MAPK4: variants seen among roughly 807,000 people sequenced by gnomAD.
MAPK4 encodes mitogen-activated protein kinase 4.
In MAPK4, 22 loss-of-function variants were observed where a neutral mutation model predicts 47.7. The ratio of observed to expected loss-of-function variants is 0.46; its 90% CI spans 0.33 to 0.66. MAPK4 has a LOEUF of 0.66. Ranked by LOEUF, MAPK4 falls within the 30% of genes least tolerant of loss-of-function variation. MAPK4 has a pLI of 0.02. For synonymous variants in MAPK4, 390 were observed against 365.7 expected, an observed-to-expected ratio of 1.07 and a Z score of -0.76; for missense variants, 736 against 831.7, an observed-to-expected ratio of 0.88 and a Z score of 1.42.
chr18:50,690,370 A>C lies in MAPK4; in HGVS notation c.547-24709A>C, dbSNP rs74777246. 3.3e-3 allele frequency among the ~76,000 whole-genome samples: 497 copies of C among 152,336 alleles called. 1 individual carries two copies. Among genetic ancestry groups the C allele is most frequent in the African/African-American group, 0.01 (432 of 41,578 alleles). ...GTGAGTTTAAATGCAAACCATACCA[A>C]TTTCTTTCTCAGAAGAGCATCTTAC... On this transcript the variant is annotated intron_variant, in intron 2 of 5. Transcript: ENST00000400384.
chr18:50,725,926 A>G (rs996721494), intron 4 of MAPK4, 36 bp from the exon 5 acceptor site: 1 of 1,554,054 alleles, frequency 6.4e-7, no homozygotes, highest in South Asian at 1.1e-5. Flanking sequence ...AACAAGGGCA[A>G]CAAATGACCT....
At chr18:50,691,927 C>T (rs1389912439) in intron 2 of MAPK4, among the ~76,000 whole-genome samples, 3 of 152,184 alleles carry the variant, frequency 2.0e-5, no homozygotes, top group Non-Finnish European at 4.4e-5. Context: ...CTCAGATCTA[C>T]ACTTTGGTTA....
chr18:50,688,601 C>T (rs999629739), intron 2 of MAPK4, among the ~76,000 whole-genome samples: 18 of 152,168 alleles, frequency 1.2e-4, no homozygotes, highest in African/African-American at 3.9e-4. Context: ...CTGGATGGAA[C>T]TGGAGACTAT....
chr18:50,683,856 G>C (rs1488915518), intron 2 of MAPK4, among the ~76,000 whole-genome samples: 1 of 152,116 alleles, frequency 6.6e-6, no homozygotes, highest in African/African-American at 2.4e-5. Context: ...TGGCGCTGGA[G>C]TCCAGTGATA....
chr18:50,576,763 T>A (rs1304164020), intron 1 of MAPK4, among the ~76,000 whole-genome samples: 1 of 152,242 alleles, frequency 6.6e-6, no homozygotes, highest in Non-Finnish European at 1.5e-5. Context: ...TAGGACAGTA[T>A]TTATTAATGA....
In MAPK4 at chr18:50,663,816, G is replaced by A. The variant is rs1907417722; in HGVS notation, c.-143G>A. The A allele has an allele frequency of 3.0e-6, 2 of 667,540 alleles. No individual in the cohort carries two copies. 41.4% of individuals were successfully genotyped at this position (667,540 alleles called of 1,614,324 possible). ...CATTCTCGTCTCCAGAGAGCTGGTG[G>A]CAGTGACCTCACTAGGAGAAAACAC... is the stretch of plus-strand genomic sequence containing the variant. On this transcript the variant is annotated 5_prime_UTR_variant, in exon 2 of 6. It introduces an in-frame stop codon into an upstream open reading frame of the 5' UTR. Transcript: ENST00000400384.
At chr18:50,581,339 TC>T (rs1472986627) in intron 1 of MAPK4, among the ~76,000 whole-genome samples, 1 of 152,142 alleles carries the variant, frequency 6.6e-6, no homozygotes, top group African/African-American at 2.4e-5. Context: ...GGCTGAAGGA[TC>T]AGCTTCCAAG....
chr18:50,697,528 T>C (rs1909578689), intron 2 of MAPK4, among the ~76,000 whole-genome samples: 1 of 152,246 alleles, frequency 6.6e-6, no homozygotes, highest in Admixed American at 6.5e-5. Context: ...TTATTGGTGA[T>C]GGTGATGATT....
intron 1 of MAPK4, among the ~76,000 whole-genome samples, chr18:50,638,543 G>C (rs375681074): frequency 2.0e-5 from 3 of 152,120 alleles, no homozygotes; most frequent in African/African-American, 7.2e-5. Context: ...TTCTCTTCTG[G>C]GAGACCACCT....
intron 1 of MAPK4, among the ~76,000 whole-genome samples, chr18:50,658,528 CCGTT>C (rs2043135747): frequency 1.3e-5 from 2 of 152,216 alleles, no homozygotes; most frequent in African/African-American, 4.8e-5. Flanking sequence ...TCAGGTGAAG[CCGTT>C]GGCCTCTGGT....
chr18:50,663,877 G>A lies in MAPK4; in HGVS notation c.-82G>A, dbSNP rs916938136. ...CGTGGGACTTGACAGAATGAGGTGC[G>A]CGAGGGAGGCCGCTAGCCGAGACTT... On this transcript the variant is annotated 5_prime_UTR_variant, in exon 2 of 6. Transcript: ENST00000400384. 37 of 1,259,432 alleles carry A rather than the reference G, an allele frequency of 2.9e-5. No individual in the cohort carries two copies. The East Asian group carries it at 4.9e-4, about 17-fold the overall frequency. 78.0% of individuals were successfully genotyped at this position (1,259,432 alleles called of 1,614,324 possible).
chr18:50,675,264 A>G (rs1010593411), intron 2 of MAPK4, among the ~76,000 whole-genome samples: 2 of 151,504 alleles, frequency 1.3e-5, no homozygotes, highest in African/African-American at 4.9e-5. Context: ...CTGCATTTCC[A>G]GAGCTCACAC....
rs144788608 is a variant in MAPK4 at position 50,668,369 on chromosome 18, C to T, written c.546+3865C>T. ...TTTGCTCCCACATCCCCTCCTCTAG[C>T]GCAGGGCCTGACACTGGGCACGTGC... On this transcript the variant is annotated intron_variant, in intron 2 of 5. Transcript: ENST00000400384. 8.2e-3 allele frequency among the ~76,000 whole-genome samples: 1,242 copies of T among 152,324 alleles called. 7 individuals are homozygous for T. Among genetic ancestry groups the T allele is most frequent in the Non-Finnish European group, 0.013 (897 of 68,034 alleles).
intron 2 of MAPK4, among the ~76,000 whole-genome samples, chr18:50,712,829 G>T (rs1250337918): frequency 6.6e-6 from 1 of 152,176 alleles, no homozygotes; most frequent in East Asian, 1.9e-4. Flanking sequence ...TCTTGCTTTA[G>T]TCTTTTCCCT....
At chr18:50,603,449 C>T (rs2042557303) in intron 1 of MAPK4, among the ~76,000 whole-genome samples, 4 of 152,196 alleles carry the variant, frequency 2.6e-5, no homozygotes, top group Admixed American at 2.6e-4. Flanking sequence ...CCCTCCTCAT[C>T]CTCCTAAACT....
chr18:50,641,873 G>A (rs534570966), intron 1 of MAPK4, among the ~76,000 whole-genome samples: 36 of 152,270 alleles, frequency 2.4e-4, no homozygotes, highest in Middle Eastern at 3.4e-3. Context: ...TATCTATCTT[G>A]TAAGTGTTCA....
At chr18:50,673,681 C>A (rs1273690453) in intron 2 of MAPK4, among the ~76,000 whole-genome samples, 1 of 152,038 alleles carries the variant, frequency 6.6e-6, no homozygotes, top group Admixed American at 6.6e-5. Flanking sequence ...ATGGTGAAAC[C>A]CAGTCTCTAC....
chr18:50,613,052 A>T (rs900416966), intron 1 of MAPK4, among the ~76,000 whole-genome samples: 26 of 152,322 alleles, frequency 1.7e-4, no homozygotes, highest in African/African-American at 6.3e-4. Flanking sequence ...ACAGGACATT[A>T]GAAAACACAT....
chr18:50,711,405 C>G (rs1003313259), intron 2 of MAPK4, among the ~76,000 whole-genome samples: 4 of 152,252 alleles, frequency 2.6e-5, no homozygotes, highest in African/African-American at 9.6e-5. Context: ...AGGAAATAGA[C>G]GATTAGGAAG....
Sources: allele counts gnomAD v4.1 joint callset (sites outside exome capture counted in the v4.1 genomes callset), GRCh38; gene constraint gnomAD v4.1.1; transcripts MANE v1.5; gene names NCBI Gene and HGNC (gene_info 2026-07-23, HGNC 2026-07-21).